The following FRMPD4 variants were observed in gnomAD, a reference collection of about 807,000 sequenced individuals.
FRMPD4 encodes FERM and PDZ domain containing 4.
A neutral mutation model predicts 94.1 loss-of-function variants in FRMPD4; 22 were observed. The observed-to-expected ratio is 0.23, with a 90% CI of 0.17 to 0.33. The LOEUF is 0.33. Ranked by LOEUF, FRMPD4 falls within the 10% of genes least tolerant of loss-of-function variation. The probability of loss-of-function intolerance (pLI) is 1.00; values close to 1 mark genes in which losing one functional copy is unlikely to be tolerated. For synonymous variants in FRMPD4, 631 were observed against 548.6 expected, an observed-to-expected ratio of 1.15 and a Z score of -2.10; for missense variants, 1,111 against 1,339.9, an observed-to-expected ratio of 0.83 and a Z score of 2.67.
At chrX:12,167,594 A>G (rs1378777610) in intron 1 of FRMPD4, among the ~76,000 whole-genome samples, 9 of 111,643 alleles carry the variant, frequency 8.1e-5, no homozygotes, top group Non-Finnish European at 1.7e-4. Flanking sequence ...TCAGGCTTTT[A>G]ATGACTTCTT....
At chrX:12,519,479 G>A (rs1372065952) in intron 2 of FRMPD4, among the ~76,000 whole-genome samples, 1 of 111,839 alleles carries the variant, frequency 8.9e-6, no homozygotes, top group Non-Finnish European at 1.9e-5. Flanking sequence ...TATGACATTG[G>A]ATTTGACAAT....
chrX:11,985,372 C>A (rs1437581005), intron 3 of FRMPD4, among the ~76,000 whole-genome samples: 2 of 111,553 alleles, frequency 1.8e-5, no homozygotes, highest in African/African-American at 6.5e-5. Flanking sequence ...ACTAAAGAGA[C>A]CTTGGGCCTT....
chrX:12,050,187 C>A (rs993763220), intron 3 of FRMPD4, among the ~76,000 whole-genome samples: 32 of 111,655 alleles, frequency 2.9e-4, no homozygotes, highest in African/African-American at 9.7e-4. Context: ...CATTTAGTCA[C>A]CACTCACTCA....
chrX:12,452,340 C>A (rs1008121492), intron 1 of FRMPD4, among the ~76,000 whole-genome samples: 1 of 111,989 alleles, frequency 8.9e-6, no homozygotes, highest in Non-Finnish European at 1.9e-5. Context: ...TACATTATAT[C>A]ATGGAATAAC....
intron 2 of FRMPD4, among the ~76,000 whole-genome samples, chrX:12,550,953 A>G (rs1278316087): frequency 1.8e-5 from 2 of 110,108 alleles, no homozygotes; most frequent in Admixed American, 9.8e-5. Flanking sequence ...TATCATACAT[A>G]TGCATTTATG....
At chrX:12,135,879 T>G (rs73499377), upstream of FRMPD4, among the ~76,000 whole-genome samples, 6 of 112,236 alleles carry the variant, frequency 5.3e-5, no homozygotes, top group African/African-American at 1.9e-4. Flanking sequence ...AGGCACTGTT[T>G]TATCCCCTTT....
At chrX:12,172,539 G>C (rs1270973749) in intron 1 of FRMPD4, among the ~76,000 whole-genome samples, 1 of 111,919 alleles carries the variant, frequency 8.9e-6, no homozygotes, top group Non-Finnish European at 1.9e-5. Context: ...CCCACTCCTA[G>C]GGTTTCTGAT....
At chrX:12,340,118 A>C (rs1209680106) in intron 1 of FRMPD4, among the ~76,000 whole-genome samples, 1 of 112,286 alleles carries the variant, frequency 8.9e-6, no homozygotes, top group Non-Finnish European at 1.9e-5. Flanking sequence ...GTGGCACTCA[A>C]GGACTGGGTT....
chrX:12,340,436 ATTAG>A (rs1429728295), intron 1 of FRMPD4, among the ~76,000 whole-genome samples: 1 of 111,622 alleles, frequency 9.0e-6, no homozygotes, highest in Non-Finnish European at 1.9e-5. Context: ...GGGGAAACTG[ATTAG>A]TTAGTTGGGA....
chrX:12,435,582 G>A (rs896033811), intron 1 of FRMPD4, among the ~76,000 whole-genome samples: 7 of 111,125 alleles, frequency 6.3e-5, no homozygotes, highest in African/African-American at 2.3e-4. Context: ...CATGAATAGA[G>A]GTTTGATGGT....
chrX:12,055,776 G>A (rs1034571365), intron 3 of FRMPD4, among the ~76,000 whole-genome samples: 1 of 111,580 alleles, frequency 9.0e-6, no homozygotes, highest in African/African-American at 3.3e-5. Flanking sequence ...CAACTAGAGA[G>A]GATGGAGGGT....
intron 1 of FRMPD4, among the ~76,000 whole-genome samples, chrX:12,424,472 G>T (rs2056923047): frequency 8.9e-6 from 1 of 112,681 alleles, no homozygotes; most frequent in South Asian, 3.6e-4. Context: ...TATAAAATAT[G>T]ATCTTAAATG....
chrX:12,241,732 T>A (rs2057131802), intron 1 of FRMPD4, among the ~76,000 whole-genome samples: 1 of 111,097 alleles, frequency 9.0e-6, no homozygotes, highest in South Asian at 3.8e-4. Context: ...AGAAACTATC[T>A]CTATAAAAAG....
At chrX:11,961,005 GC>G in intron 3 of FRMPD4, among the ~76,000 whole-genome samples, 1 of 112,165 alleles carries the variant, frequency 8.9e-6, no homozygotes, top group South Asian at 3.7e-4. Context: ...TTTTAGTTTT[GC>G]TGTCTTCGTT....
At chrX:12,156,190 T>C (rs1486287248) in intron 1 of FRMPD4, among the ~76,000 whole-genome samples, 2 of 111,485 alleles carry the variant, frequency 1.8e-5, no homozygotes, top group African/African-American at 6.5e-5. Flanking sequence ...CAGTTTTACA[T>C]TATGAAAAGT....
At chrX:12,606,984 A>G (rs1248605841) in intron 2 of FRMPD4, among the ~76,000 whole-genome samples, 1 of 111,252 alleles carries the variant, frequency 9.0e-6, no homozygotes, top group Non-Finnish European at 1.9e-5. Flanking sequence ...TTCAGGAGGG[A>G]TCAATGTCTG....
At chrX:12,600,566 C>G (rs906721658) in intron 2 of FRMPD4, among the ~76,000 whole-genome samples, 2 of 112,601 alleles carry the variant, frequency 1.8e-5, no homozygotes, top group African/African-American at 6.4e-5. Context: ...CTTTCTCACT[C>G]TTTGCTGTAT....
rs766364900 is a variant in FRMPD4 at position 11,861,780 on chromosome X, A to T, written c.-160-3306A>T. ...GGGTTGAGAGCATGGTGAGGATAAG[A>T]GTTATGAGTTCAACCTTAGTGTTTG... On this transcript the variant is annotated intron_variant, in intron 1 of 18. Coordinates refer to the FRMPD4 transcript ENST00000640291. Among the ~76,000 whole-genome samples the T allele has an allele frequency of 2.7e-5, 3 of 111,835 alleles. No homozygotes were observed. In the East Asian group the frequency reaches 8.4e-4, roughly 31 times the overall value.
intron 3 of FRMPD4, among the ~76,000 whole-genome samples, chrX:11,905,162 C>T (rs1366188220): frequency 1.8e-5 from 2 of 112,313 alleles, no homozygotes; most frequent in Non-Finnish European, 3.8e-5. Context: ...ATGGGCAAGA[C>T]TGCTGGGGGA....
Sources: gnomAD v4.1 joint callset for allele counts (sites outside exome capture counted in the v4.1 genomes callset) on GRCh38, gnomAD v4.1.1 for gene constraint, MANE v1.5 for transcripts, NCBI Gene and HGNC (gene_info 2026-07-23, HGNC 2026-07-21) for gene names.